Variants in SRP72 observed in about 807,000 individuals in gnomAD.
SRP72 encodes signal recognition particle 72.
A neutral mutation model predicts 96.3 loss-of-function variants in SRP72; 49 were observed. The ratio of observed to expected loss-of-function variants is 0.51; its 90% confidence interval spans 0.40 to 0.65. SRP72 has a LOEUF of 0.65. Ranked by LOEUF, SRP72 falls within the 30% of genes least tolerant of loss-of-function variation. The probability of loss-of-function intolerance (pLI) is 0.00; values close to 1 mark genes in which losing one functional copy is unlikely to be tolerated. For missense variants in SRP72, 736 were observed against 793.3 expected, an observed-to-expected ratio of 0.93 and a Z score of 0.87; for synonymous variants, 267 against 275.2, an observed-to-expected ratio of 0.97 and a Z score of 0.30.
intron 1 of SRP72, among the ~76,000 whole-genome samples, chr4:56,468,384 G>T (rs1719834498): frequency 6.6e-6 from 1 of 152,118 alleles, no homozygotes; most frequent in Non-Finnish European, 1.5e-5. Flanking sequence ...AGTTTGGCCT[G>T]TTTTTTTGCC....
chr4:56,482,199 T>C (rs973159806), intron 8 of SRP72, among the ~76,000 whole-genome samples: 5 of 150,912 alleles, frequency 3.3e-5, no homozygotes, highest in Non-Finnish European at 7.4e-5. Context: ...CCCAGGACTT[T>C]GGGAGGCCTA....
At chr4:56,474,532 C>G (rs1720130108) in intron 5 of SRP72, 141 bp downstream of exon 5, 1 of 737,902 alleles carries the variant, frequency 1.4e-6, no homozygotes, top group Non-Finnish European at 2.2e-6. Context: ...TTCCTGTCGT[C>G]TTTCTCTCTC....
intron 2 of SRP72, among the ~76,000 whole-genome samples, chr4:56,470,751 C>A (rs2110111180): frequency 6.6e-6 from 1 of 151,882 alleles, no homozygotes; most frequent in South Asian, 2.1e-4. Flanking sequence ...TGCTAAAATT[C>A]AGTCTCTTGA....
At position 56,502,708 on chromosome 4, in the gene SRP72, A is replaced by G. The variant is rs1721309154; in HGVS notation, c.*847A>G. The G allele has an allele frequency of 6.6e-6, 1 of 152,054 alleles. No individual in the cohort carries two copies. 9.4% of individuals were successfully genotyped at this position (152,054 alleles called of 1,614,324 possible). A position where few individuals can be genotyped will look rare whatever the true frequency, so the allele number is the denominator to read the frequency against. On this transcript the variant is annotated 3_prime_UTR_variant, in exon 19 of 19. Coordinates refer to ENST00000642900, the MANE Select transcript of SRP72 (RefSeq NM_006947.4). ...AAGATTAATGACTGTTATCAAGAAC[A>G]TGAACATTGGCTTCCTCCATAGAGA... is the stretch of plus-strand genomic sequence containing the variant.
intron 3 of SRP72, 66 bp from the exon 4 acceptor site, chr4:56,473,988 T>G (rs1720095961): frequency 6.6e-7 from 1 of 1,512,298 alleles, no homozygotes; most frequent in Non-Finnish European, 8.9e-7. Flanking sequence ...CAAAAAAGGT[T>G]TGCATGATAT....
intron 6 of SRP72, among the ~76,000 whole-genome samples, chr4:56,477,404 A>C (rs1405471195): frequency 6.7e-6 from 1 of 149,450 alleles, no homozygotes; most frequent in African/African-American, 2.5e-5. Flanking sequence ...TCCTGGGCTC[A>C]AGCAATCCTC....
chr4:56,495,728 T>C (rs1721055009), intron 17 of SRP72, among the ~76,000 whole-genome samples: 1 of 152,192 alleles, frequency 6.6e-6, no homozygotes, highest in Non-Finnish European at 1.5e-5. Context: ...GAGTGGTGCC[T>C]GGCACAAAAG....
rs1160025686 is a variant in SRP72 at position 56,476,513 on chromosome 4, A to G, written c.611-158A>G. On this transcript the variant is annotated intron_variant, in intron 5 of 18. Transcript: ENST00000642900. Reference sequence around the variant, plus strand: ...GAAAGTCAAGAGACTGATAATATATATGTAGTATATTTGATGCTAATGTAA... The same window carrying G: ...GAAAGTCAAGAGACTGATAATATATGTGTAGTATATTTGATGCTAATGTAA... 19 of 708,324 alleles carry G rather than the reference A, an allele frequency of 2.7e-5. No individual in the cohort carries two copies. In the East Asian group the frequency reaches 4.6e-4, roughly 17 times the overall value. The allele number at this position is 708,324 out of a possible 1,614,324, so 43.9% of individuals were successfully genotyped here. A position where few individuals can be genotyped will look rare whatever the true frequency, so the allele number is the denominator to read the frequency against.
At position 56,502,381 on chromosome 4, in the gene SRP72, C is replaced by A. The variant is rs1721289888; in HGVS notation, c.*520C>A. On this transcript the variant is annotated 3_prime_UTR_variant, in exon 19 of 19. Coordinates refer to ENST00000642900, the MANE Select transcript of SRP72 (RefSeq NM_006947.4). ...ATGTTCTTCACTAAATGGATGGCCA[C>A]AAGAAAAATAAAGTAAATGTCTTAA... 1 of 150,822 alleles carries A rather than the reference C, an allele frequency of 6.6e-6. No individual in the cohort carries two copies. The highest frequency in any genetic ancestry group is 6.6e-5 in the Admixed American group (1 of 15,038). 9.3% of individuals were successfully genotyped at this position (150,822 alleles called of 1,614,324 possible).
intron 8 of SRP72, among the ~76,000 whole-genome samples, chr4:56,481,854 C>T (rs1720502974): frequency 6.6e-6 from 1 of 150,480 alleles, no homozygotes; most frequent in South Asian, 2.1e-4. Context: ...TCACTGCAAC[C>T]TCCCAGGTTC....
rs1720643705 is a variant in SRP72, at chr4:56,484,822, C to G, written c.1044C>G (p.Leu348=). The change falls in exon 10 of 19, where the codon CTC becomes CTG. Residue 348 remains leucine, a synonymous_variant. Coordinates refer to ENST00000642900, the MANE Select transcript of SRP72 (RefSeq NM_006947.4). ...CTGTGTTAATCCAAGCTGCCCAGCT[C>G]TGCCGTGAAAAGCAGCACACAAAAG... is the stretch of plus-strand genomic sequence containing the variant. ...LLPVLIQAAQ[L]CREKQHTKAI... 1 of 1,613,966 alleles carries G rather than the reference C, an allele frequency of 6.2e-7. No homozygotes were observed. Among genetic ancestry groups the G allele is most frequent in the African/African-American group, 1.3e-5 (1 of 74,924 alleles).
rs41280353 is a variant in SRP72, at chr4:56,500,946, T to C, written c.1838+251T>C. The stretch of plus-strand genomic sequence containing the variant: ...ATAATCAAATATATATTGTGAAATA[T>C]ATATAGTAAAAACTATTATAAAAAC... On this transcript the variant is annotated intron_variant, in intron 18 of 18. Coordinates refer to ENST00000642900, the MANE Select transcript of SRP72 (RefSeq NM_006947.4). Among the ~76,000 whole-genome samples the C allele has an allele frequency of 0.019, 2,821 of 148,956 alleles. 36 individuals carry two copies. The highest frequency in any genetic ancestry group is 0.029 in the Non-Finnish European group (1,994 of 67,732).
chr4:56,498,285 A>G (rs915751506), intron 17 of SRP72, among the ~76,000 whole-genome samples: 10 of 152,142 alleles, frequency 6.6e-5, no homozygotes, highest in Admixed American at 5.2e-4. Context: ...CAAAATAATA[A>G]TAACTATTTA....
At chr4:56,497,947 C>A (rs1404611490) in intron 17 of SRP72, among the ~76,000 whole-genome samples, 1 of 152,142 alleles carries the variant, frequency 6.6e-6, no homozygotes, top group Non-Finnish European at 1.5e-5. Flanking sequence ...GAATGACTTT[C>A]CTTTCTCCTA....
chr4:56,478,594 C>G lies in SRP72; in HGVS notation c.770C>G (p.Pro257Arg), dbSNP rs1312827624. 5.6e-6 allele frequency: 9 copies of G among 1,613,718 alleles called. No individual in the cohort carries two copies. The highest frequency in any genetic ancestry group is 7.6e-6 in the Non-Finnish European group (9 of 1,179,892). The change falls in exon 8 of 19, where the codon CCA becomes CGA. Residue 257 changes from proline to arginine, a missense_variant and splice_region_variant. This residue lies in a region of SRP72 where 329 missense variants were observed against 319.0 expected (regional missense o/e 1.03). Coordinates refer to ENST00000642900, the MANE Select transcript of SRP72 (RefSeq NM_006947.4). ...QLYNQIIKLK[P>R]TDVGLLAVIA... ...TGACTGTTGCTTGTTGTTCACAGAC[C>G]AACAGATGTGGGATTACTAGCTGTA...
chr4:56,469,895 T>TC lies in SRP72; in HGVS notation c.230+128dup, dbSNP rs142017318. On this transcript the variant is annotated intron_variant, in intron 2 of 18. Coordinates refer to ENST00000642900, the MANE Select transcript of SRP72 (RefSeq NM_006947.4). ...TTAACGTTTTTTTCCTTCCTTTTTT[T>TC]CCCCCCTTTTGCTTGTCAATAATGT... 3.6e-3 allele frequency: 3,469 copies of TC among 963,368 alleles called. 39 individuals carry two copies. In the African/African-American group the frequency reaches 0.036, roughly 10 times the overall value. 59.7% of individuals were successfully genotyped at this position (963,368 alleles called of 1,614,324 possible).
chr4:56,469,533 A>G, intron 1 of SRP72, 120 bp from the exon 2 acceptor site: 1 of 940,208 alleles, frequency 1.1e-6, no homozygotes, highest in Non-Finnish European at 1.5e-6. Context: ...GTTCTGACCA[A>G]TTATTTCTGT....
chr4:56,492,140 G>T (rs1243625324), intron 16 of SRP72, among the ~76,000 whole-genome samples: 1 of 152,154 alleles, frequency 6.6e-6, no homozygotes, highest in African/African-American at 2.4e-5. Context: ...TACAGAAGGA[G>T]GATTGTATTG....
At chr4:56,477,444 T>C (rs776651309) in intron 6 of SRP72, among the ~76,000 whole-genome samples, 9 of 151,154 alleles carry the variant, frequency 6.0e-5, no homozygotes, top group South Asian at 4.2e-4. Context: ...AGCACCACCA[T>C]GCCCAGCTAA....
Sources: allele counts gnomAD v4.1 joint callset (sites outside exome capture counted in the v4.1 genomes callset), GRCh38; gene constraint gnomAD v4.1.1; regional missense constraint gnomAD v4.1.1; transcripts MANE v1.5; gene names NCBI Gene and HGNC (gene_info 2026-07-23, HGNC 2026-07-21).